Variants in R3HCC1L observed in about 807,000 individuals in gnomAD.
The protein encoded by R3HCC1L is R3H domain and coiled-coil containing 1 like.
R3HCC1L carries 51 observed loss-of-function variants against 59.9 expected under a neutral mutation model. The ratio of observed to expected loss-of-function variants is 0.85; its 90% CI spans 0.68 to 1.07. The LOEUF is 1.07. Among genes scored for constraint, R3HCC1L ranks in the 50% least tolerant of loss-of-function variants. The pLI is 0.00. For synonymous variants in R3HCC1L, 322 were observed against 315.2 expected, an observed-to-expected ratio of 1.02 and a Z score of -0.23; for missense variants, 965 against 933.0, an observed-to-expected ratio of 1.03 and a Z score of -0.45.
At chr10:98,180,888 T>C (rs1468928600) in intron 4 of R3HCC1L, among the ~76,000 whole-genome samples, 1 of 152,176 alleles carries the variant, frequency 6.6e-6, no homozygotes, top group Non-Finnish European at 1.5e-5. Flanking sequence ...TTTTTTTTGC[T>C]TTCCATTTGC....
chr10:98,145,492 T>C (rs1845562427), intron 1 of R3HCC1L, among the ~76,000 whole-genome samples: 1 of 152,230 alleles, frequency 6.6e-6, no homozygotes, highest in African/African-American at 2.4e-5. Flanking sequence ...CATTAGGTTA[T>C]TTAAGTGGTA....
chr10:98,205,710 A>C (rs1273833546), intron 4 of R3HCC1L, among the ~76,000 whole-genome samples: 2 of 152,200 alleles, frequency 1.3e-5, no homozygotes, highest in Non-Finnish European at 2.9e-5. Flanking sequence ...GCTATAGGAA[A>C]TAGTATTACA....
intron 1 of R3HCC1L, among the ~76,000 whole-genome samples, chr10:98,140,989 A>G (rs1845079514): frequency 6.6e-6 from 1 of 152,128 alleles, no homozygotes; most frequent in African/African-American, 2.4e-5. Flanking sequence ...CAATCTAAAC[A>G]TAACATAATG....
chr10:98,184,371 C>T (rs758230328), intron 4 of R3HCC1L, among the ~76,000 whole-genome samples: 6 of 152,144 alleles, frequency 3.9e-5, no homozygotes, highest in Non-Finnish European at 7.3e-5. Flanking sequence ...CATATTTTAA[C>T]TGTACCTTTC....
intron 1 of R3HCC1L, among the ~76,000 whole-genome samples, chr10:98,140,363 G>T (rs1845022292): frequency 6.6e-6 from 1 of 152,160 alleles, no homozygotes; most frequent in African/African-American, 2.4e-5. Context: ...GTGGATAACT[G>T]GGGGAGAGAC....
At chr10:98,148,559 C>A (rs959248302) in intron 1 of R3HCC1L, among the ~76,000 whole-genome samples, 3 of 152,106 alleles carry the variant, frequency 2.0e-5, no homozygotes, top group Admixed American at 6.5e-5. Flanking sequence ...TATATTCCTT[C>A]TATACCCAAT....
intron 9 of R3HCC1L, among the ~76,000 whole-genome samples, chr10:98,243,647 C>T (rs1857779568): frequency 6.6e-6 from 1 of 152,064 alleles, no homozygotes; most frequent in South Asian, 2.1e-4. Flanking sequence ...GAGTAAAGCC[C>T]AGGGGCTACC....
intron 1 of R3HCC1L, among the ~76,000 whole-genome samples, chr10:98,145,881 G>A (rs1279240872): frequency 1.3e-5 from 2 of 151,872 alleles, no homozygotes; most frequent in African/African-American, 2.4e-5. Context: ...CCCTGGAGGC[G>A]GAGGTTGCAG....
At chr10:98,144,123 T>C (rs1047712899) in intron 1 of R3HCC1L, among the ~76,000 whole-genome samples, 1 of 152,088 alleles carries the variant, frequency 6.6e-6, no homozygotes, top group Admixed American at 6.5e-5. Flanking sequence ...CCAGGGTGAT[T>C]TAGTGAGACC....
At position 98,208,278 on chromosome 10, in the gene R3HCC1L, C is replaced by G. The variant is rs775591805; in HGVS notation, c.164C>G (p.Ser55Cys). 3.1e-6 allele frequency: 5 copies of G among 1,613,960 alleles called. No individual in the cohort carries two copies. In the Admixed American group the frequency reaches 6.7e-5, roughly 22 times the overall value. ...SVVKEKQKESSLSQKEVFKDK... is the reference protein window; with the variant it reads ...SVVKEKQKESCLSQKEVFKDK... ...GTGAAAGAAAAGCAAAAAGAAAGTTCTCTCTCCCAAAAAGAAGTCTTTAAA... is the reference window on the plus strand; with the variant it reads ...GTGAAAGAAAAGCAAAAAGAAAGTTGTCTCTCCCAAAAAGAAGTCTTTAAA... The change falls in exon 5 of 10, where the codon TCT becomes TGT. Residue 55 changes from serine (S) to cysteine (C), a missense_variant. Transcript: ENST00000298999.
At position 98,231,785 on chromosome 10, in the gene R3HCC1L, T is replaced by G. The variant is rs1486859995; in HGVS notation, c.1961+98T>G. ...ATCTCTTGTTTTTTATATCCCGTTT[T>G]TCATATTTTAGCATCAGGCTGGTTT... On this transcript the variant is annotated intron_variant, in intron 6 of 9. Coordinates refer to ENST00000298999, the MANE Select transcript of R3HCC1L (RefSeq NM_001351015.2). 3.9e-6 allele frequency: 5 copies of G among 1,281,344 alleles called. No homozygotes were observed. In the African/African-American group the frequency reaches 6.0e-5, roughly 15 times the overall value. The allele number at this position is 1,281,344 out of a possible 1,614,324, so 79.4% of individuals were successfully genotyped here. A position where few individuals can be genotyped will look rare whatever the true frequency, so the allele number is the denominator to read the frequency against.
At position 98,241,181 on chromosome 10, in the gene R3HCC1L, G is replaced by A. The variant is rs142876472; in HGVS notation, c.2270-2910G>A. The stretch of plus-strand genomic sequence containing the variant: ...CTATGTCCGTCACTCTAAAAGAAGG[G>A]AATAAGATTCGTTTGACCAGACGCG... On this transcript the variant is annotated intron_variant, in intron 9 of 9. Transcript: ENST00000298999. 5.3e-3 allele frequency among the ~76,000 whole-genome samples: 806 copies of A among 152,142 alleles called. 9 individuals are homozygous for A. Among genetic ancestry groups the A allele is most frequent in the African/African-American group, 0.019 (770 of 41,498 alleles).
At chr10:98,235,131 A>T (rs1856785207) in intron 7 of R3HCC1L, among the ~76,000 whole-genome samples, 2 of 152,222 alleles carry the variant, frequency 1.3e-5, no homozygotes, top group African/African-American at 4.8e-5. Context: ...TTGGAGCAAG[A>T]AAGCAGCCAT....
intron 4 of R3HCC1L, among the ~76,000 whole-genome samples, chr10:98,169,930 G>C (rs572638596): frequency 1.4e-5 from 1 of 72,538 alleles, no homozygotes; most frequent in South Asian, 4.3e-4. Context: ...TTTGGGAATT[G>C]TTTGAAGTTT....
intron 5 of R3HCC1L, chr10:98,211,324 A>T (rs1853546661): frequency 6.5e-7 from 1 of 1,531,300 alleles, no homozygotes; most frequent in African/African-American, 1.4e-5. Flanking sequence ...TGATGCACAT[A>T]AAGCCCGAGA....
At chr10:98,137,265 C>A (rs1265580591) in intron 1 of R3HCC1L, among the ~76,000 whole-genome samples, 5 of 152,098 alleles carry the variant, frequency 3.3e-5, no homozygotes, top group African/African-American at 1.2e-4. Flanking sequence ...ATTAGGGATT[C>A]TCAACCTGTA....
chr10:98,198,393 C>G (rs915905371), intron 4 of R3HCC1L, among the ~76,000 whole-genome samples: 1 of 152,004 alleles, frequency 6.6e-6, no homozygotes, highest in Non-Finnish European at 1.5e-5. Context: ...TAGGACATCT[C>G]TTAGTTTTGC....
intron 4 of R3HCC1L, among the ~76,000 whole-genome samples, chr10:98,165,096 CTATAAA>C (rs1276180615): frequency 1.3e-5 from 2 of 152,150 alleles, no homozygotes; most frequent in African/African-American, 4.8e-5. Context: ...CCTGTCTCTA[CTATAAA>C]TATAAAATAT....
intron 4 of R3HCC1L, among the ~76,000 whole-genome samples, chr10:98,203,508 C>T (rs1419829769): frequency 6.6e-6 from 1 of 152,110 alleles, no homozygotes; most frequent in East Asian, 1.9e-4. Context: ...GAATAGTATG[C>T]TCATTAGGCA....
Sources: allele counts gnomAD v4.1 joint callset (sites outside exome capture counted in the v4.1 genomes callset), GRCh38; gene constraint gnomAD v4.1.1; transcripts MANE v1.5; gene names NCBI Gene and HGNC (gene_info 2026-07-23, HGNC 2026-07-21).